Variants in RBFOX2 observed in about 807,000 individuals in gnomAD.
The protein encoded by RBFOX2 is RNA binding protein fox-1 homolog 2.
RBFOX2 carries 10 observed loss-of-function variants against 49.1 expected under a neutral mutation model. The ratio of observed to expected loss-of-function variants is 0.20; its 90% CI spans 0.13 to 0.35. The LOEUF is 0.35. Among genes scored for constraint, RBFOX2 ranks in the 10% least tolerant of loss-of-function variants. The pLI, the probability that RBFOX2 is intolerant of heterozygous loss-of-function variation, is 1.00. For synonymous variants in RBFOX2, 183 were observed against 187.4 expected (o/e 0.98, Z 0.19); for missense variants, 323 against 486.9 (o/e 0.66, Z 3.17).
chr22:35,756,754 C>T (rs999874607), intron 9 of RBFOX2, among the ~76,000 whole-genome samples: 6 of 152,000 alleles, frequency 3.9e-5, no homozygotes, highest in African/African-American at 1.4e-4. Context: ...TTTGGCTGAT[C>T]ACACAAGCAT....
At chr22:35,857,421 T>C (rs2042636322) in intron 1 of RBFOX2, among the ~76,000 whole-genome samples, 1 of 152,212 alleles carries the variant, frequency 6.6e-6, no homozygotes, top group African/African-American at 2.4e-5. Flanking sequence ...TCCACAGTAA[T>C]TGAAGACTGT....
At position 35,936,984 on chromosome 22, in the gene RBFOX2, C is replaced by G. The variant is rs1352239643; in HGVS notation, c.-34+1863G>C. On this transcript the variant is annotated intron_variant, in intron 1 of 13. Coordinates refer to the RBFOX2 transcript ENST00000359369. ...AAAGTAACTGCATTAGTTTGCAAGA[C>G]TAGATTAAGAGACTAACCACGACCC... Among the ~76,000 whole-genome samples the G allele has an allele frequency of 2.6e-5, 4 of 152,150 alleles. No homozygotes were observed. In the East Asian group the frequency reaches 7.7e-4, roughly 29 times the overall value.
At chr22:36,009,631 C>T (rs1048976463) in intron 1 of RBFOX2, among the ~76,000 whole-genome samples, 3 of 152,174 alleles carry the variant, frequency 2.0e-5, no homozygotes, top group African/African-American at 7.2e-5. Context: ...TCAAGTGACC[C>T]ACCCGCCTTG....
At chr22:35,827,125 A>C (rs888085608) in intron 1 of RBFOX2, among the ~76,000 whole-genome samples, 1 of 152,210 alleles carries the variant, frequency 6.6e-6, no homozygotes, top group Non-Finnish European at 1.5e-5. Flanking sequence ...AAATCTGTAG[A>C]TAATCTGATT....
chr22:35,825,906 C>T (rs1054992686), intron 1 of RBFOX2, among the ~76,000 whole-genome samples: 2 of 142,638 alleles, frequency 1.4e-5, no homozygotes, highest in Non-Finnish European at 3.0e-5. Flanking sequence ...CACTTGAACC[C>T]GGGAGGTGGA....
intron 1 of RBFOX2, among the ~76,000 whole-genome samples, chr22:36,017,303 T>G (rs909047255): frequency 6.6e-6 from 1 of 151,306 alleles, no homozygotes; most frequent in African/African-American, 2.4e-5. Context: ...CCGAGGCGGG[T>G]GGATCATGAT....
upstream of RBFOX2, among the ~76,000 whole-genome samples, chr22:35,940,368 A>G (rs1569503067): frequency 6.6e-6 from 1 of 152,240 alleles, no homozygotes; most frequent in Non-Finnish European, 1.5e-5. Context: ...ATCATAAGTC[A>G]TTATGCAAAT....
At chr22:35,813,227 C>T (rs1952275819) in intron 1 of RBFOX2, among the ~76,000 whole-genome samples, 1 of 151,882 alleles carries the variant, frequency 6.6e-6, no homozygotes, top group African/African-American at 2.4e-5. Context: ...TGAATATTTC[C>T]CCAAGTATAC....
At chr22:35,840,257 G>T (rs564104784) in exon 1 of RBFOX2, 2 of 1,613,826 alleles carry the variant, frequency 1.2e-6, no homozygotes, top group Non-Finnish European at 1.7e-6. Context: ...CAAAGCAGCC[G>T]TGCTGGGGCA....
intron 3 of RBFOX2, among the ~76,000 whole-genome samples, chr22:35,779,796 C>G (rs1944722138): frequency 6.6e-6 from 1 of 152,146 alleles, no homozygotes. Context: ...GAAAATAAAG[C>G]AACTAGGTAT....
At chr22:36,005,123 G>A (rs1454372777) in intron 1 of RBFOX2, among the ~76,000 whole-genome samples, 2 of 152,176 alleles carry the variant, frequency 1.3e-5, no homozygotes, top group South Asian at 2.1e-4. Context: ...TCAAAAGAAT[G>A]ATGTTTACGG....
intron 1 of RBFOX2, among the ~76,000 whole-genome samples, chr22:35,905,860 G>A (rs919650002): frequency 1.1e-4 from 16 of 152,148 alleles, no homozygotes; most frequent in African/African-American, 3.6e-4. Context: ...CCCGTAAGAT[G>A]ATAATGCCAT....
upstream of RBFOX2, among the ~76,000 whole-genome samples, chr22:35,963,910 T>C (rs952668227): frequency 7.9e-5 from 12 of 152,022 alleles, no homozygotes; most frequent in African/African-American, 2.9e-4. Context: ...CGGGCCTGGG[T>C]AATTTTTGTA....
intron 1 of RBFOX2, among the ~76,000 whole-genome samples, chr22:35,868,270 T>C (rs1469455901): frequency 2.0e-5 from 3 of 152,156 alleles, no homozygotes; most frequent in Non-Finnish European, 4.4e-5. Flanking sequence ...ATATTACCTA[T>C]ATAAACTATT....
At chr22:35,970,887 T>C (rs1343081952) in intron 1 of RBFOX2, among the ~76,000 whole-genome samples, 2 of 152,174 alleles carry the variant, frequency 1.3e-5, no homozygotes, top group Admixed American at 1.3e-4. Context: ...ACCCCTGGGA[T>C]GGCAGAGTTT....
At chr22:35,941,903 C>T (rs1243274991), upstream of RBFOX2, among the ~76,000 whole-genome samples, 2 of 152,208 alleles carry the variant, frequency 1.3e-5, no homozygotes, top group East Asian at 3.8e-4. Flanking sequence ...ATTTGGAACT[C>T]TCAAGCCCTC....
chr22:35,862,607 C>T (rs1333229471), intron 1 of RBFOX2, among the ~76,000 whole-genome samples: 1 of 152,142 alleles, frequency 6.6e-6, no homozygotes, highest in Non-Finnish European at 1.5e-5. Flanking sequence ...ACATAGTCCA[C>T]CTTCTTCCTT....
At chr22:35,780,930 T>A (rs536917072) in intron 3 of RBFOX2, among the ~76,000 whole-genome samples, 1 of 152,104 alleles carries the variant, frequency 6.6e-6, no homozygotes, top group Non-Finnish European at 1.5e-5. Flanking sequence ...CAATAACGCA[T>A]CCCTGAACCT....
intron 1 of RBFOX2, among the ~76,000 whole-genome samples, chr22:35,884,292 C>T (rs543986549): frequency 3.8e-4 from 58 of 152,264 alleles, no homozygotes; most frequent in African/African-American, 1.1e-3. Flanking sequence ...CCACCACACC[C>T]GGCCTAGTTA....
Sources: gnomAD v4.1 joint callset for allele counts (sites outside exome capture counted in the v4.1 genomes callset) on GRCh38, gnomAD v4.1.1 for gene constraint, MANE v1.5 for transcripts, NCBI Gene and HGNC (gene_info 2026-07-23, HGNC 2026-07-21) for gene names.